RBFOX1: variants seen among roughly 807,000 people sequenced by gnomAD.
The protein encoded by RBFOX1 is RNA binding protein fox-1 homolog 1.
A neutral mutation model predicts 57.7 loss-of-function variants in RBFOX1; 8 were observed. That is an observed-to-expected ratio of 0.14 (90% CI 0.08 to 0.25). The LOEUF (loss-of-function observed/expected upper bound fraction) is 0.25. Ranked by LOEUF, RBFOX1 falls within the 10% of genes least tolerant of loss-of-function variation. The probability of loss-of-function intolerance (pLI) is 1.00; values close to 1 mark genes in which losing one functional copy is unlikely to be tolerated. For missense variants in RBFOX1, 611 were observed against 548.5 expected, an observed-to-expected ratio of 1.11 and a Z score of -1.14; for synonymous variants, 326 against 222.4, an observed-to-expected ratio of 1.47 and a Z score of -4.15.
In RBFOX1 at chr16:6,623,665, G is replaced by T. The variant is rs554823193; in HGVS notation, c.-63-30938G>T. Reference sequence around the variant, plus strand: ...TGTGTCCATGTGTTCTCATCGTTCAGTTCTCACCTATGAGTGAGAACATGC... The same window carrying T: ...TGTGTCCATGTGTTCTCATCGTTCATTTCTCACCTATGAGTGAGAACATGC... On this transcript the variant is annotated intron_variant, in intron 2 of 15. Coordinates refer to ENST00000550418, the MANE Select transcript of RBFOX1 (RefSeq NM_018723.4). 2.6e-5 allele frequency among the ~76,000 whole-genome samples: 4 copies of T among 151,764 alleles called. No individual in the cohort carries two copies. In the East Asian group the frequency reaches 7.8e-4, roughly 30 times the overall value.
At chr16:7,012,491 G>A (rs538681801) in intron 3 of RBFOX1, among the ~76,000 whole-genome samples, 6 of 152,294 alleles carry the variant, frequency 3.9e-5, no homozygotes, top group African/African-American at 1.4e-4. Flanking sequence ...CCCAAGCCAT[G>A]TTAATAACTG....
upstream of RBFOX1, among the ~76,000 whole-genome samples, chr16:6,016,756 C>G (rs1427844943): frequency 6.6e-6 from 1 of 152,204 alleles, no homozygotes; most frequent in African/African-American, 2.4e-5. Context: ...GTCCTGGGAG[C>G]TGTCAACTTC....
At position 7,500,328 on chromosome 16, in the gene RBFOX1, A is replaced by G. The variant is rs77810519; in HGVS notation, c.28-17819A>G. Among the ~76,000 whole-genome samples, 1,097 of 152,318 alleles carry G rather than the reference A, an allele frequency of 7.2e-3. 10 individuals are homozygous for G. The highest frequency in any genetic ancestry group is 0.025 in the African/African-American group (1,049 of 41,570). On this transcript the variant is annotated intron_variant, in intron 4 of 15. Coordinates refer to ENST00000550418, the MANE Select transcript of RBFOX1 (RefSeq NM_018723.4). ...TACTTACAAAGTAGTAGGAACTTCA[A>G]TACTGTGTGCTTCTGCTTAGTTGGG...
At chr16:6,406,357 C>G (rs2093280271) in intron 2 of RBFOX1, among the ~76,000 whole-genome samples, 1 of 152,104 alleles carries the variant, frequency 6.6e-6, no homozygotes, top group Non-Finnish European at 1.5e-5. Context: ...AGATGTTAGA[C>G]ATGCCCAGAA....
At chr16:5,371,213 A>C (rs1303207744) in intron 1 of RBFOX1, among the ~76,000 whole-genome samples, 1 of 152,176 alleles carries the variant, frequency 6.6e-6, no homozygotes, top group African/African-American at 2.4e-5. Flanking sequence ...CTCCCACAGA[A>C]CTGGGATTAC....
At chr16:5,307,967 C>T (rs191668890) in intron 1 of RBFOX1, among the ~76,000 whole-genome samples, 24 of 152,254 alleles carry the variant, frequency 1.6e-4, no homozygotes, top group East Asian at 1.4e-3. Context: ...CTTGAACCAC[C>T]GTGCCTGACT....
At chr16:5,892,616 G>C (rs1373345659) in intron 4 of RBFOX1, among the ~76,000 whole-genome samples, 1 of 152,164 alleles carries the variant, frequency 6.6e-6, no homozygotes, top group Non-Finnish European at 1.5e-5. Context: ...AGTGAATGGT[G>C]GAATGCATCG....
At chr16:7,587,976 C>T (rs2094217439) in intron 7 of RBFOX1, among the ~76,000 whole-genome samples, 1 of 152,060 alleles carries the variant, frequency 6.6e-6, no homozygotes, top group Admixed American at 6.6e-5. Flanking sequence ...GTCAGGAGCT[C>T]AAGAGCAACC....
At chr16:5,717,304 G>A (rs2051739979) in intron 3 of RBFOX1, among the ~76,000 whole-genome samples, 1 of 151,858 alleles carries the variant, frequency 6.6e-6, no homozygotes, top group Admixed American at 6.6e-5. Flanking sequence ...ACTTTTACTT[G>A]ATTATCTCAA....
In RBFOX1 at chr16:6,486,529, C is replaced by G. The variant is rs193211162; in HGVS notation, c.-63-168074C>G. On this transcript the variant is annotated intron_variant, in intron 2 of 15. Coordinates refer to ENST00000550418, the MANE Select transcript of RBFOX1 (RefSeq NM_018723.4). ...TCTCAAAGTTATCAAAGGGAGTTGG[C>G]GTAAGTTCTTGGAAAGTAATTCTGT... 1.3e-3 allele frequency among the ~76,000 whole-genome samples: 201 copies of G among 152,156 alleles called. 1 individual carries two copies. Among genetic ancestry groups the G allele is most frequent in the Non-Finnish European group, 2.4e-3 (161 of 68,000 alleles).
chr16:7,467,346 G>A (rs1280320925), intron 4 of RBFOX1, among the ~76,000 whole-genome samples: 3 of 152,124 alleles, frequency 2.0e-5, no homozygotes, highest in African/African-American at 4.8e-5. Flanking sequence ...AGACTTGGCA[G>A]TCTTTAAGGT....
At chr16:6,809,988 T>C (rs1480970892) in intron 3 of RBFOX1, among the ~76,000 whole-genome samples, 2 of 151,398 alleles carry the variant, frequency 1.3e-5, no homozygotes, top group Admixed American at 1.3e-4. Flanking sequence ...GAGCTTGTTC[T>C]CCTGGGTGTC....
intron 2 of RBFOX1, among the ~76,000 whole-genome samples, chr16:6,358,337 GT>G (rs2087767192): frequency 6.6e-6 from 1 of 152,134 alleles, no homozygotes; most frequent in South Asian, 2.1e-4. Context: ...ATGTTAAGTG[GT>G]AACATTTCAC....
chr16:6,202,541 A>T (rs2097221775), intron 1 of RBFOX1, among the ~76,000 whole-genome samples: 1 of 152,132 alleles, frequency 6.6e-6, no homozygotes, highest in South Asian at 2.1e-4. Flanking sequence ...TTTCTTATGG[A>T]AATGCTTAAC....
intron 4 of RBFOX1, among the ~76,000 whole-genome samples, chr16:7,460,389 A>ATATATATATATATATGTGTGTGTG: frequency 1.0e-4 from 9 of 87,214 alleles, no homozygotes; most frequent in African/African-American, 3.9e-4. Flanking sequence ...ATATATATAT[A>ATATATATATATATATGTGTGTGTG]TGTGTGTGTG....
At chr16:6,688,182 GA>G (rs1358796683) in intron 3 of RBFOX1, among the ~76,000 whole-genome samples, 30 of 145,982 alleles carry the variant, frequency 2.1e-4, no homozygotes, top group Middle Eastern at 3.5e-3. Context: ...AGTCATGGTG[GA>G]AAAAAAAAAA....
At chr16:7,453,776 T>G (rs887646627) in intron 4 of RBFOX1, among the ~76,000 whole-genome samples, 1 of 152,128 alleles carries the variant, frequency 6.6e-6, no homozygotes, top group Non-Finnish European at 1.5e-5. Context: ...GACTGAAGTG[T>G]TGGGCACCCT....
intron 4 of RBFOX1, among the ~76,000 whole-genome samples, chr16:6,006,717 C>T (rs1567248215): frequency 1.3e-5 from 2 of 152,076 alleles, no homozygotes; most frequent in Non-Finnish European, 2.9e-5. Flanking sequence ...AAATATTGGT[C>T]TTGGATATGT....
chr16:5,717,341 T>C (rs1386079053), intron 3 of RBFOX1, among the ~76,000 whole-genome samples: 1 of 152,120 alleles, frequency 6.6e-6, no homozygotes, highest in Non-Finnish European at 1.5e-5. Context: ...TTTTTCTTAA[T>C]ACAGATTTAA....
Sources: gnomAD v4.1 joint callset for allele counts (sites outside exome capture counted in the v4.1 genomes callset) on GRCh38, gnomAD v4.1.1 for gene constraint, MANE v1.5 for transcripts, NCBI Gene and HGNC (gene_info 2026-07-23, HGNC 2026-07-21) for gene names.